Variants in TSHZ2 observed in about 807,000 individuals in gnomAD.
TSHZ2 encodes the protein teashirt zinc finger homeobox 2.
Under a neutral mutation model 74.4 loss-of-function variants are expected in TSHZ2, and 21 were observed. The observed-to-expected ratio is 0.28, with a 90% CI of 0.20 to 0.41. The LOEUF is 0.41. Ranked by LOEUF, TSHZ2 falls within the 10% of genes least tolerant of loss-of-function variation. The pLI, the probability that TSHZ2 is intolerant of heterozygous loss-of-function variation, is 1.00. For missense variants in TSHZ2, 1,244 were observed against 1,293.5 expected (o/e 0.96, Z 0.59); for synonymous variants, 540 against 515.3 (o/e 1.05, Z -0.65).
chr20:53,213,127 A>G (rs1245528419), intron 1 of TSHZ2, among the ~76,000 whole-genome samples: 1 of 152,214 alleles, frequency 6.6e-6, no homozygotes, highest in Non-Finnish European at 1.5e-5. Flanking sequence ...TTGTTGATTT[A>G]TGGAGTTTTT....
chr20:53,179,829 A>G (rs1022996971), intron 1 of TSHZ2, among the ~76,000 whole-genome samples: 3 of 152,316 alleles, frequency 2.0e-5, no homozygotes, highest in Non-Finnish European at 4.4e-5. Flanking sequence ...CAGCTTTTTT[A>G]TCGTCAAGGT....
intron 2 of TSHZ2, among the ~76,000 whole-genome samples, chr20:53,332,907 G>A (rs920759540): frequency 6.6e-6 from 1 of 152,174 alleles, no homozygotes; most frequent in Non-Finnish European, 1.5e-5. Flanking sequence ...TGCCAGCCCA[G>A]CCACTACCAC....
intron 2 of TSHZ2, among the ~76,000 whole-genome samples, chr20:53,291,010 G>C (rs1454441448): frequency 6.6e-6 from 1 of 152,150 alleles, no homozygotes; most frequent in Non-Finnish European, 1.5e-5. Flanking sequence ...TCCTTTACAG[G>C]AAAAATTTGC....
intron 2 of TSHZ2, among the ~76,000 whole-genome samples, chr20:53,364,116 A>G (rs186099580): frequency 1.2e-3 from 175 of 152,160 alleles, no homozygotes; most frequent in African/African-American, 3.8e-3. Flanking sequence ...GATCAGGGAT[A>G]AATGGCAACA....
intron 2 of TSHZ2, among the ~76,000 whole-genome samples, chr20:53,461,314 C>T (rs995985089): frequency 7.2e-5 from 11 of 152,238 alleles, no homozygotes; most frequent in African/African-American, 2.4e-4. Context: ...CAGGTGCGTC[C>T]GTCACCCTTT....
chr20:53,150,063 A>G (rs1239141848), intron 1 of TSHZ2, among the ~76,000 whole-genome samples: 1 of 152,238 alleles, frequency 6.6e-6, no homozygotes, highest in African/African-American at 2.4e-5. Context: ...ACTGCGGTAA[A>G]TGTTTTACTT....
At chr20:53,138,401 A>G (rs1013705966) in intron 1 of TSHZ2, among the ~76,000 whole-genome samples, 5 of 152,044 alleles carry the variant, frequency 3.3e-5, no homozygotes, top group African/African-American at 1.2e-4. Context: ...GAAAAAAAAA[A>G]AAAAACAATA....
intron 1 of TSHZ2, among the ~76,000 whole-genome samples, chr20:53,081,740 T>C: frequency 6.6e-6 from 1 of 152,218 alleles, no homozygotes; most frequent in East Asian, 1.9e-4. Context: ...TTTTTTATTA[T>C]ATGTTACTGA....
At chr20:53,469,548 A>AG (rs1183121689) in intron 2 of TSHZ2, among the ~76,000 whole-genome samples, 2 of 125,208 alleles carry the variant, frequency 1.6e-5, no homozygotes, top group Non-Finnish European at 3.3e-5. Flanking sequence ...AAGAAAAGAA[A>AG]GAAGGAGGGA....
intron 1 of TSHZ2, among the ~76,000 whole-genome samples, chr20:53,187,223 A>C (rs1236661131): frequency 6.6e-6 from 1 of 152,162 alleles, no homozygotes; most frequent in Non-Finnish European, 1.5e-5. Flanking sequence ...TTCCAACACA[A>C]CACCAAGAAA....
At chr20:53,377,415 C>T (rs754839186) in intron 2 of TSHZ2, among the ~76,000 whole-genome samples, 2 of 152,338 alleles carry the variant, frequency 1.3e-5, no homozygotes, top group East Asian at 3.9e-4. Context: ...CAAGACTACT[C>T]CTTGGCTCTC....
intron 2 of TSHZ2, among the ~76,000 whole-genome samples, chr20:53,336,316 A>G (rs1449317858): frequency 6.6e-6 from 1 of 152,218 alleles, no homozygotes; most frequent in East Asian, 1.9e-4. Flanking sequence ...GCCCAGGGAA[A>G]TCACACATGC....
rs1020730492 is a variant in TSHZ2, at chr20:53,438,626, C to A, written c.*9-48518C>A. Among the ~76,000 whole-genome samples the A allele has an allele frequency of 5.3e-5, 8 of 152,198 alleles. No individual in the cohort carries two copies. The South Asian group carries it at 1.7e-3, about 32-fold the overall frequency. On this transcript the variant is annotated intron_variant, in intron 2 of 2. Coordinates refer to ENST00000371497, the MANE Select transcript of TSHZ2 (RefSeq NM_173485.6). ...GGAAGTGGGGTGAGCCCTATGGGAT[C>A]CCCTGACCTAAAAATGAGAAAGCAG... is the stretch of plus-strand genomic sequence containing the variant.
At chr20:53,146,840 C>T (rs6126764) in intron 1 of TSHZ2, among the ~76,000 whole-genome samples, 12,247 of 152,094 alleles carry the variant, frequency 0.081, 651 homozygotes, top group East Asian at 0.16. Flanking sequence ...AGGAGCGAGG[C>T]GGGCGTGAAG....
intron 2 of TSHZ2, among the ~76,000 whole-genome samples, chr20:53,402,273 ACT>A (rs1982695590): frequency 6.6e-6 from 1 of 152,204 alleles, no homozygotes; most frequent in African/African-American, 2.4e-5. Flanking sequence ...GAATCTCTAC[ACT>A]GTTTTCCATA....
At chr20:53,473,857 A>C (rs1985906703) in intron 2 of TSHZ2, among the ~76,000 whole-genome samples, 1 of 152,236 alleles carries the variant, frequency 6.6e-6, no homozygotes, top group South Asian at 2.1e-4. Flanking sequence ...CTACGTGAAG[A>C]AGGCAGAAAC....
At chr20:53,204,360 CTATATCATCATATAACATGATGATATGA>C in intron 1 of TSHZ2, among the ~76,000 whole-genome samples, 1 of 143,878 alleles carries the variant, frequency 7.0e-6, no homozygotes, top group Non-Finnish European at 1.5e-5. Flanking sequence ...TGATATGATA[CTATATCATCATATAACATGATGATATGA>C]TACTATATCA....
At chr20:53,260,502 A>C (rs1279688285) in intron 2 of TSHZ2, among the ~76,000 whole-genome samples, 1 of 152,138 alleles carries the variant, frequency 6.6e-6, no homozygotes, top group Non-Finnish European at 1.5e-5. Context: ...AATAGATGAA[A>C]AACTCTAGGG....
intron 1 of TSHZ2, among the ~76,000 whole-genome samples, chr20:53,212,709 T>C (rs997577304): frequency 6.6e-6 from 1 of 152,224 alleles, no homozygotes; most frequent in African/African-American, 2.4e-5. Flanking sequence ...CTTTCCTCTG[T>C]GCCGGCTTCA....
Sources: gnomAD v4.1 joint callset for allele counts (sites outside exome capture counted in the v4.1 genomes callset) on GRCh38, gnomAD v4.1.1 for gene constraint, MANE v1.5 for transcripts, NCBI Gene and HGNC (gene_info 2026-07-23, HGNC 2026-07-21) for gene names.